Variants in CLCN5 observed in about 807,000 individuals in gnomAD.
The protein encoded by CLCN5 is Cl-/H+ antiporter 5.
CLCN5 carries 17 observed loss-of-function variants against 54.0 expected under a neutral mutation model. The ratio of observed to expected loss-of-function variants is 0.31; its 90% CI spans 0.22 to 0.47. The LOEUF (loss-of-function observed/expected upper bound fraction) is 0.47, where lower values mean the gene tolerates loss of function less well. Among genes scored for constraint, CLCN5 ranks in the 20% least tolerant of loss-of-function variants. The pLI is 1.00. For synonymous variants in CLCN5, 222 were observed against 233.0 expected, an observed-to-expected ratio of 0.95 and a Z score of 0.43; for missense variants, 448 against 646.7, an observed-to-expected ratio of 0.69 and a Z score of 3.33.
chrX:49,929,848 T>G, intron 3 of CLCN5, among the ~76,000 whole-genome samples: 1 of 106,578 alleles, frequency 9.4e-6, no homozygotes, highest in East Asian at 2.9e-4. Context: ...ATATATAATC[T>G]TGGGGATAGG....
intron 8 of CLCN5, 151 bp downstream of exon 8, chrX:50,080,867 G>C: frequency 2.0e-6 from 1 of 499,141 alleles, no homozygotes; most frequent in Non-Finnish European, 3.5e-6. Context: ...CTTTCCACAA[G>C]TCCCTCTCAG....
chrX:50,055,549 C>G (rs1337532308), intron 4 of CLCN5, among the ~76,000 whole-genome samples: 1 of 112,575 alleles, frequency 8.9e-6, no homozygotes, highest in Non-Finnish European at 1.9e-5. Context: ...TCCCAGTAAT[C>G]TGCCTCCCAG....
At chrX:49,940,526 C>T (rs1926271674) in intron 3 of CLCN5, among the ~76,000 whole-genome samples, 1 of 112,260 alleles carries the variant, frequency 8.9e-6, no homozygotes, top group Admixed American at 9.4e-5. Flanking sequence ...TATTAGTGCA[C>T]ATGTTTTAAC....
At chrX:50,057,169 C>G (rs1932764157) in intron 4 of CLCN5, among the ~76,000 whole-genome samples, 2 of 110,097 alleles carry the variant, frequency 1.8e-5, no homozygotes, top group African/African-American at 6.6e-5. Context: ...ATTCCAGCCG[C>G]TGGATCATGG....
Position 49,955,834 on chromosome X carries a change from AAT to A in CLCN5, c.16+30525_16+30526del, listed in dbSNP as rs1927287950. 2.7e-5 allele frequency among the ~76,000 whole-genome samples: 3 copies of A among 111,866 alleles called. No individual in the cohort carries two copies. In the South Asian group the frequency reaches 1.1e-3, roughly 42 times the overall value. On this transcript the variant is annotated intron_variant, in intron 3 of 14. Coordinates refer to ENST00000376091, the MANE Select transcript of CLCN5 (RefSeq NM_001127898.4). ...GAACTGTAGTGAATTTTGCTATTTTAATATATGTTTCATCAGTTGATGGGGGC... is the reference window on the plus strand; with the variant it reads ...GAACTGTAGTGAATTTTGCTATTTTAATATGTTTCATCAGTTGATGGGGGC...
intron 4 of CLCN5, among the ~76,000 whole-genome samples, chrX:50,057,766 A>C (rs782136688): frequency 7.8e-4 from 85 of 108,465 alleles, no homozygotes; most frequent in African/African-American, 2.6e-3. Flanking sequence ...GAGTGGGAAA[A>C]CAAAATAGAA....
chrX:49,955,169 C>T (rs1316384950), intron 3 of CLCN5, among the ~76,000 whole-genome samples: 2 of 111,642 alleles, frequency 1.8e-5, no homozygotes, highest in Non-Finnish European at 3.8e-5. Context: ...ACCATTCCAC[C>T]CAACTAGCTG....
Position 50,086,759 on chromosome X carries a change from G to A in CLCN5, c.1446G>A (p.Gly482=). Reference sequence around the variant, plus strand: ...AGAACCGTTTCAACACAAGCAAAGGGGGTGAACTGCCTGACAGACCGGCTG... The same window carrying A: ...AGAACCGTTTCAACACAAGCAAAGGAGGTGAACTGCCTGACAGACCGGCTG... The part of the protein sequence containing the change: ...DYENRFNTSK[G]GELPDRPAGV... Residue 482 remains glycine, a synonymous_variant, in exon 11 of 15, where the codon GGG becomes GGA. Coordinates refer to ENST00000376091, the MANE Select transcript of CLCN5 (RefSeq NM_001127898.4). The A allele has an allele frequency of 8.3e-7, 1 of 1,211,363 alleles. No individual in the cohort carries two copies. Among genetic ancestry groups the A allele is most frequent in the Non-Finnish European group, 1.1e-6 (1 of 895,439 alleles).
chrX:49,971,245 C>CAT (rs1161543219), intron 3 of CLCN5, among the ~76,000 whole-genome samples: 1 of 100,840 alleles, frequency 9.9e-6, no homozygotes, highest in Non-Finnish European at 2.0e-5. Context: ...TATTTATTTA[C>CAT]ATATATATTT....
intron 2 of CLCN5, among the ~76,000 whole-genome samples, chrX:49,924,505 GT>G (rs1470718723): frequency 1.8e-5 from 2 of 112,159 alleles, no homozygotes; most frequent in Non-Finnish European, 3.8e-5. Flanking sequence ...TGGATTTGAA[GT>G]TTTAACAACA....
At chrX:50,082,396 T>A (rs1174429664) in intron 9 of CLCN5, among the ~76,000 whole-genome samples, 4 of 108,933 alleles carry the variant, frequency 3.7e-5, no homozygotes, top group Admixed American at 3.0e-4. Flanking sequence ...CACTGCAGCC[T>A]CGACCTCCCT....
At chrX:50,086,180 C>T (rs961611184) in intron 10 of CLCN5, 120 bp downstream of exon 10, 4 of 865,765 alleles carry the variant, frequency 4.6e-6, no homozygotes, top group Non-Finnish European at 1.7e-6. Context: ...CCTGAGTGCT[C>T]TCCCCAACTT....
chrX:50,019,456 C>CT (rs1424021181), intron 3 of CLCN5, among the ~76,000 whole-genome samples: 2,307 of 64,323 alleles, frequency 0.036, 183 homozygotes, highest in African/African-American at 0.13. Flanking sequence ...TTCATGCTTA[C>CT]TTTTTTTTTT....
At chrX:49,942,155 T>TGCTACTC (rs1420618991) in intron 3 of CLCN5, among the ~76,000 whole-genome samples, 40 of 71,504 alleles carry the variant, frequency 5.6e-4, no homozygotes, top group African/African-American at 2.1e-3. Context: ...TAAATTAGAA[T>TGCTACTC]GAATTCGAGT....
At chrX:49,929,779 G>T (rs6651703) in intron 3 of CLCN5, among the ~76,000 whole-genome samples, 12,401 of 89,577 alleles carry the variant, frequency 0.14, 2,161 homozygotes, top group African/African-American at 0.47. Flanking sequence ...TAGGTTTTTT[G>T]TTTTTTTTTT....
At chrX:50,053,497 A>G (rs782802223) in intron 4 of CLCN5, among the ~76,000 whole-genome samples, 1 of 107,479 alleles carries the variant, frequency 9.3e-6, no homozygotes, top group African/African-American at 3.4e-5. Flanking sequence ...ATTTTTCTCT[A>G]TTTTTTCAAT....
At chrX:49,972,767 A>T (rs1557176419) in intron 3 of CLCN5, among the ~76,000 whole-genome samples, 2 of 111,871 alleles carry the variant, frequency 1.8e-5, no homozygotes. Flanking sequence ...GCAATTTAAG[A>T]TCATATAATT....
chrX:49,988,771 C>G (rs1557178537), intron 3 of CLCN5, among the ~76,000 whole-genome samples: 1 of 111,198 alleles, frequency 9.0e-6, no homozygotes, highest in African/African-American at 3.3e-5. Context: ...TATAAAAGTC[C>G]CTAAATGCTT....
At chrX:50,082,388 C>G (rs1415954473) in intron 9 of CLCN5, among the ~76,000 whole-genome samples, 1 of 109,240 alleles carries the variant, frequency 9.2e-6, no homozygotes, top group Non-Finnish European at 1.9e-5. Context: ...TCACGGCTCA[C>G]TGCAGCCTCG....
Sources: gnomAD v4.1 joint callset for allele counts (sites outside exome capture counted in the v4.1 genomes callset) on GRCh38, gnomAD v4.1.1 for gene constraint, MANE v1.5 for transcripts, NCBI Gene and HGNC (gene_info 2026-07-23, HGNC 2026-07-21) for gene names.